The following MRPS28 variants were observed in gnomAD, a reference collection of about 807,000 sequenced individuals.
The protein encoded by MRPS28 is small ribosomal subunit protein bS1m.
Under a neutral mutation model 10.8 loss-of-function variants are expected in MRPS28, and 7 were observed. The ratio of observed to expected loss-of-function variants is 0.65; its 90% CI spans 0.37 to 1.22. The LOEUF (loss-of-function observed/expected upper bound fraction) is 1.22, where lower values mean the gene tolerates loss of function less well. MRPS28 is among the 50% of genes most tolerant of loss of function. The probability of loss-of-function intolerance (pLI) is 0.02; values close to 1 mark genes in which losing one functional copy is unlikely to be tolerated. For synonymous variants in MRPS28, 121 were observed against 93.3 expected (o/e 1.30, Z -1.71); for missense variants, 265 against 232.9 (o/e 1.14, Z -0.90).
At chr8:79,995,158 T>C (rs573249575) in intron 2 of MRPS28, among the ~76,000 whole-genome samples, 2 of 152,346 alleles carry the variant, frequency 1.3e-5, no homozygotes, top group Admixed American at 1.3e-4. Context: ...GGATTGTCAT[T>C]AGTCTGTATG....
At chr8:79,930,207 A>G (rs1052070440) in intron 2 of MRPS28, among the ~76,000 whole-genome samples, 8 of 152,216 alleles carry the variant, frequency 5.3e-5, no homozygotes, top group Non-Finnish European at 7.3e-5. Flanking sequence ...TGTGTTTCAG[A>G]TAGGAGGATC....
chr8:79,931,040 G>GA (rs1300718060), intron 2 of MRPS28, among the ~76,000 whole-genome samples: 1 of 151,886 alleles, frequency 6.6e-6, no homozygotes. Flanking sequence ...TACTATCCAG[G>GA]AAAAAACATT....
intron 2 of MRPS28, among the ~76,000 whole-genome samples, chr8:79,932,094 C>CA (rs1274965410): frequency 1.3e-5 from 2 of 152,082 alleles, no homozygotes; most frequent in Non-Finnish European, 2.9e-5. Flanking sequence ...TTCATTTACT[C>CA]AAAAATGTTT....
At chr8:79,984,826 G>C (rs1808104197) in intron 2 of MRPS28, among the ~76,000 whole-genome samples, 1 of 152,040 alleles carries the variant, frequency 6.6e-6, no homozygotes, top group African/African-American at 2.4e-5. Context: ...AATAATAATG[G>C]GAGACTTTAA....
At chr8:80,011,144 T>A (rs574372900) in intron 1 of MRPS28, among the ~76,000 whole-genome samples, 9 of 151,552 alleles carry the variant, frequency 5.9e-5, no homozygotes, top group East Asian at 1.9e-4. Context: ...TATTTTTATT[T>A]TTTTTTGTAA....
chr8:79,999,216 G>T (rs1808590296), intron 2 of MRPS28, among the ~76,000 whole-genome samples: 1 of 152,210 alleles, frequency 6.6e-6, no homozygotes. Flanking sequence ...TATAACTGCA[G>T]AGAACACGTG....
At position 79,936,625 on chromosome 8, in the gene MRPS28, TATG is replaced by T. The variant is rs1383960035; in HGVS notation, c.396-17480_396-17478del. 2.0e-5 allele frequency among the ~76,000 whole-genome samples: 3 copies of T among 152,210 alleles called. No individual in the cohort carries two copies. In the East Asian group the frequency reaches 5.8e-4, roughly 29 times the overall value. ...ACTATAGGGGATTGGTTAAATAAATTATGATGTCTGTACAAGGAATACTACACA... is the reference window on the plus strand; with the variant it reads ...ACTATAGGGGATTGGTTAAATAAATTATGTCTGTACAAGGAATACTACACA... On this transcript the variant is annotated intron_variant, in intron 2 of 2. Coordinates refer to ENST00000276585, the MANE Select transcript of MRPS28 (RefSeq NM_014018.3).
chr8:80,027,540 GAGC>G (rs1310256770), intron 1 of MRPS28, among the ~76,000 whole-genome samples: 3 of 152,190 alleles, frequency 2.0e-5, no homozygotes. Flanking sequence ...TTCTCAAGGA[GAGC>G]AATAAGTAAA....
chr8:80,006,597 C>T (rs1203208604), intron 1 of MRPS28, among the ~76,000 whole-genome samples: 4 of 152,156 alleles, frequency 2.6e-5, no homozygotes, highest in African/African-American at 7.2e-5. Flanking sequence ...ATATCACCAC[C>T]GATCCCACAG....
At chr8:79,934,858 T>C (rs984380853) in intron 2 of MRPS28, among the ~76,000 whole-genome samples, 10 of 152,166 alleles carry the variant, frequency 6.6e-5, no homozygotes, top group African/African-American at 1.9e-4. Context: ...AACACTAGTT[T>C]AGCAATTATT....
chr8:79,934,726 C>A (rs1298638296), intron 2 of MRPS28, among the ~76,000 whole-genome samples: 2 of 152,204 alleles, frequency 1.3e-5, no homozygotes, highest in Admixed American at 6.5e-5. Context: ...CAGATTTACA[C>A]AGACTGCTCA....
intron 2 of MRPS28, among the ~76,000 whole-genome samples, chr8:79,931,987 A>T (rs2129898763): frequency 6.6e-6 from 1 of 152,312 alleles, no homozygotes. Context: ...GTGACTGAGG[A>T]TATGGGAAAA....
chr8:80,001,703 C>G (rs1311538481), intron 2 of MRPS28, among the ~76,000 whole-genome samples: 2 of 152,182 alleles, frequency 1.3e-5, no homozygotes, highest in African/African-American at 4.8e-5. Flanking sequence ...TACACCAATT[C>G]AAGTCATGCT....
chr8:79,930,428 T>C (rs574937283), intron 2 of MRPS28, among the ~76,000 whole-genome samples: 47 of 152,382 alleles, frequency 3.1e-4, no homozygotes, highest in Non-Finnish European at 4.6e-4. Context: ...GCAAGCATTC[T>C]ATACGTTTGT....
At chr8:79,982,310 C>T (rs565428812) in intron 2 of MRPS28, among the ~76,000 whole-genome samples, 3 of 152,296 alleles carry the variant, frequency 2.0e-5, no homozygotes, top group South Asian at 2.1e-4. Context: ...GGAACAGATC[C>T]GGTCTACAGC....
intron 2 of MRPS28, among the ~76,000 whole-genome samples, chr8:79,970,222 T>C (rs114421005): frequency 6.6e-6 from 1 of 152,154 alleles, no homozygotes; most frequent in Non-Finnish European, 1.5e-5. Flanking sequence ...GGGTTTTTTT[T>C]ACCTAGATTC....
chr8:79,933,926 C>G (rs1057387665), intron 2 of MRPS28, among the ~76,000 whole-genome samples: 5 of 152,160 alleles, frequency 3.3e-5, no homozygotes, highest in Non-Finnish European at 7.3e-5. Flanking sequence ...TTCATTTGGC[C>G]ACTAAAGAAG....
intron 2 of MRPS28, among the ~76,000 whole-genome samples, chr8:79,999,537 A>G (rs1808601563): frequency 6.6e-6 from 1 of 152,238 alleles, no homozygotes; most frequent in African/African-American, 2.4e-5. Context: ...TTCTACGTGT[A>G]CAAATGAAGA....
intron 2 of MRPS28, among the ~76,000 whole-genome samples, chr8:79,972,227 T>A (rs1807652875): frequency 6.6e-6 from 1 of 152,192 alleles, no homozygotes; most frequent in Non-Finnish European, 1.5e-5. Flanking sequence ...CTAGAGATGA[T>A]TTCAAGTATA....
Sources: gnomAD v4.1 joint callset for allele counts (sites outside exome capture counted in the v4.1 genomes callset) on GRCh38, gnomAD v4.1.1 for gene constraint, MANE v1.5 for transcripts, NCBI Gene and HGNC (gene_info 2026-07-23, HGNC 2026-07-21) for gene names.